SP140: variants seen among roughly 807,000 people sequenced by gnomAD.
The protein encoded by SP140 is SP140 nuclear body protein, also known as nuclear body protein SP140.
SP140 carries 81 observed loss-of-function variants against 125.0 expected under a neutral mutation model. That is an observed-to-expected ratio of 0.65 (90% CI 0.54 to 0.78). SP140 has a LOEUF of 0.78. Ranked by LOEUF, SP140 falls within the 30% of genes least tolerant of loss-of-function variation. The pLI, the probability that SP140 is intolerant of heterozygous loss-of-function variation, is 0.00. For synonymous variants in SP140, 312 were observed against 354.0 expected (o/e 0.88, Z 1.33); for missense variants, 858 against 1,037.0 (o/e 0.83, Z 2.37).
the SP140 span, among the ~76,000 whole-genome samples, chr2:230,196,370 T>C: frequency 1.3e-5 from 2 of 151,964 alleles, no homozygotes; most frequent in Non-Finnish European, 2.9e-5. Flanking sequence ...GTTAAAAAAA[T>C]AGATAACATT....
At chr2:230,315,786 C>A (rs529720751), downstream of SP140, among the ~76,000 whole-genome samples, 1 of 152,250 alleles carries the variant, frequency 6.6e-6, no homozygotes, top group South Asian at 2.1e-4. Flanking sequence ...CCCAGTTACA[C>A]CTCCATTTTA....
rs577852834 is a variant in SP140, at chr2:230,270,233, C to T, written c.1444+280C>T. 7.2e-5 allele frequency among the ~76,000 whole-genome samples: 11 copies of T among 152,298 alleles called. 1 individual carries two copies. Among genetic ancestry groups the T allele is most frequent in the Middle Eastern group, 3.4e-3 (1 of 294 alleles). ...AGTATATTAAGTTACACCCAATCTT[C>T]CATGAAGCCCAGGATACCCCAGTGA... On this transcript the variant is annotated intron_variant, in intron 14 of 26. Transcript: ENST00000392045.
At chr2:230,248,774 G>A in intron 8 of SP140, 111 bp from the exon 9 acceptor site, 1 of 803,478 alleles carries the variant, frequency 1.2e-6, no homozygotes, top group Non-Finnish European at 2.1e-6. Flanking sequence ...AGAAAAGGCG[G>A]AACAAGACAG....
At chr2:230,200,793 A>T, upstream of SP140, 1 of 1,046,108 alleles carries the variant, frequency 9.6e-7, no homozygotes, top group South Asian at 1.3e-5. Flanking sequence ...TAATGAAAAA[A>T]AAAAGTTAAG....
chr2:230,257,570 C>A (rs2051440328), intron 12 of SP140, among the ~76,000 whole-genome samples: 1 of 152,136 alleles, frequency 6.6e-6, no homozygotes, highest in African/African-American at 2.4e-5. Flanking sequence ...AGTTCAAGGC[C>A]AGCCGGGCCA....
At chr2:230,230,780 G>C (rs540808421) in intron 1 of SP140, among the ~76,000 whole-genome samples, 6 of 152,156 alleles carry the variant, frequency 3.9e-5, no homozygotes, top group Admixed American at 3.3e-4. Context: ...TGAATCTGTG[G>C]TTTGTTGTCT....
chr2:230,251,738 C>G (rs2149227397), intron 10 of SP140, among the ~76,000 whole-genome samples: 1 of 152,222 alleles, frequency 6.6e-6, no homozygotes, highest in Admixed American at 6.5e-5. Flanking sequence ...TTGACCAATA[C>G]TCTTCATTAT....
intron 12 of SP140, among the ~76,000 whole-genome samples, chr2:230,265,003 C>T (rs1233586019): frequency 1.3e-5 from 2 of 152,102 alleles, no homozygotes; most frequent in Admixed American, 6.5e-5. Context: ...GGGGAGGAAC[C>T]GGTGATGGGC....
At position 230,211,474 on chromosome 2, in the gene SP140, C is replaced by T; in HGVS notation, c.-322-2180C>T. ...GGTTGACCAAACCAAGATTACCTGG[C>T]ATAGAGCCCAAGGGAGAGTGGGGCA... On this transcript the variant is annotated intron_variant, in intron 1 of 4. Transcript: ENST00000456542. The surrounding 1 kb of genome is among the most constrained non-coding windows in gnomAD (Gnocchi z 4.2). 1 of 1,593,030 alleles carries T rather than the reference C, an allele frequency of 6.3e-7. No individual in the cohort carries two copies. Among genetic ancestry groups the T allele is most frequent in the Middle Eastern group, 1.7e-4 (1 of 6,030 alleles).
chr2:230,305,028 G>A (rs2058623031), intron 22 of SP140, among the ~76,000 whole-genome samples: 1 of 152,150 alleles, frequency 6.6e-6, no homozygotes, highest in Non-Finnish European at 1.5e-5. Flanking sequence ...CTAATATCCA[G>A]AATCTACAAG....
chr2:230,204,501 C>T (rs1270079410), intron 1 of SP140, among the ~76,000 whole-genome samples: 1 of 152,034 alleles, frequency 6.6e-6, no homozygotes, highest in Non-Finnish European at 1.5e-5. Flanking sequence ...ACGTGGTGCC[C>T]ATAATGTCTA....
intron 3 of SP140, 33 bp from the exon 4 acceptor site, chr2:230,241,371 T>G: frequency 6.7e-6 from 9 of 1,342,724 alleles, no homozygotes; most frequent in Non-Finnish European, 9.6e-6. Context: ...GGTCACTGTC[T>G]GAGTTTGGTA....
chr2:230,269,775 G>T lies in SP140; in HGVS notation c.1328-62G>T. The stretch of plus-strand genomic sequence containing the variant: ...AAGTAAAGAAGGGGGAGCAACAAGG[G>T]TGCAGAAAATAGAGTCACTGGGTCA... On this transcript the variant is annotated intron_variant, in intron 13 of 26. Transcript: ENST00000392045. The T allele has an allele frequency of 3.0e-6, 4 of 1,324,128 alleles. No homozygotes were observed. The South Asian group carries it at 4.9e-5, about 16-fold the overall frequency. The allele number at this position is 1,324,128 out of a possible 1,614,324, so 82.0% of individuals were successfully genotyped here.
intron 12 of SP140, among the ~76,000 whole-genome samples, chr2:230,258,794 C>T (rs1225960812): frequency 1.3e-5 from 2 of 152,136 alleles, no homozygotes; most frequent in Admixed American, 1.3e-4. Context: ...GAAATAACTC[C>T]AAGAACAGTT....
intron 3 of SP140, chr2:230,216,833 G>A: frequency 1.2e-6 from 2 of 1,614,116 alleles, no homozygotes; most frequent in Non-Finnish European, 1.7e-6. Context: ...TTCAAAGAAG[G>A]GAAATGGCTT....
chr2:230,248,063 A>G lies in SP140; in HGVS notation c.890A>G (p.Lys297Arg). 1 of 1,613,336 alleles carries G rather than the reference A, an allele frequency of 6.2e-7. No homozygotes were observed. The highest frequency in any genetic ancestry group is 1.3e-5 in the African/African-American group (1 of 74,990). Residue 297 changes from lysine to arginine, a missense_variant and splice_region_variant, in exon 8 of 27, where the codon AAA (lysine) becomes AGA (arginine). Coordinates refer to ENST00000392045, the MANE Select transcript of SP140 (RefSeq NM_007237.5). ...CAAGAGAGTCCAGAGGGAAGAGACA[A>G]AGGTAGGAACAGAAGAAGCAGAGAC... ...KYQESPEGRD[K>R]ETFDLKTPQV...
chr2:230,299,515 AT>A (rs1192810020), intron 22 of SP140, among the ~76,000 whole-genome samples: 4 of 152,172 alleles, frequency 2.6e-5, no homozygotes, highest in Admixed American at 6.5e-5. Flanking sequence ...AGCCAGTACA[AT>A]TTGCAGAGAG....
chr2:230,193,530 T>C, the SP140 span, among the ~76,000 whole-genome samples: 1 of 152,244 alleles, frequency 6.6e-6, no homozygotes, highest in East Asian at 1.9e-4. Context: ...CCTTTTGGCA[T>C]TTCTTATAAA....
At chr2:230,240,416 T>C (rs941905116) in intron 3 of SP140, among the ~76,000 whole-genome samples, 1 of 152,106 alleles carries the variant, frequency 6.6e-6, no homozygotes, top group African/African-American at 2.4e-5. Flanking sequence ...AATACACATA[T>C]CTAACAAAGG....
Sources: gnomAD v4.1 joint callset for allele counts (sites outside exome capture counted in the v4.1 genomes callset) on GRCh38, gnomAD v4.1.1 for gene constraint, Gnocchi (gnomAD v3.1) non-coding constraint, MANE v1.5 for transcripts, NCBI Gene and HGNC (gene_info 2026-07-23, HGNC 2026-07-21) for gene names.